Variants in CD109 observed in about 807,000 individuals in gnomAD.
CD109 encodes the protein CD109 molecule.
CD109 carries 149 observed loss-of-function variants against 165.8 expected under a neutral mutation model. The observed-to-expected ratio is 0.90, with a 90% CI of 0.79 to 1.03. CD109 has a LOEUF of 1.03. CD109 is among the 50% of genes least tolerant of loss of function. The probability of loss-of-function intolerance (pLI) is 0.00; values close to 1 mark genes in which losing one functional copy is unlikely to be tolerated. For synonymous variants in CD109, 585 were observed against 592.1 expected (o/e 0.99, Z 0.18); for missense variants, 1,712 against 1,677.8 (o/e 1.02, Z -0.36).
chr6:73,747,934 A>G (rs12523741), intron 5 of CD109, among the ~76,000 whole-genome samples: 256 of 151,050 alleles, frequency 1.7e-3, no homozygotes, highest in Middle Eastern at 0.01. Context: ...CACCCAGGCA[A>G]TCTCAGCTCA....
At chr6:73,691,175 A>T (rs573437324), upstream of CD109, among the ~76,000 whole-genome samples, 1 of 152,254 alleles carries the variant, frequency 6.6e-6, no homozygotes, top group African/African-American at 2.4e-5. Context: ...CATTTTTCTA[A>T]AGGCAAAAGT....
chr6:73,697,534 C>CTTTGCAGAG lies in CD109; in HGVS notation c.210_211insTTGCAGAGT (p.Thr70_Val71insLeuGlnSer). On this transcript the variant is annotated inframe_insertion, in exon 2 of 33. Coordinates refer to ENST00000287097, the MANE Select transcript of CD109 (RefSeq NM_133493.5). ...CTGCTCAAGACAGCATCAAACCTCA[C>CTTTGCAGAG]TGTCTCTGTCCTGGAAGCAGAAGGA... 1 of 1,614,158 alleles carries CTTTGCAGAG rather than the reference C, an allele frequency of 6.2e-7. No individual in the cohort carries two copies. The highest frequency in any genetic ancestry group is 8.5e-7 in the Non-Finnish European group (1 of 1,180,028).
chr6:73,688,161 GA>G, the CD109 span, among the ~76,000 whole-genome samples: 1 of 148,546 alleles, frequency 6.7e-6, no homozygotes, highest in East Asian at 2.0e-4. Context: ...TTGTCTGGTA[GA>G]TTTTTTTTGG....
In CD109 at chr6:73,791,162, T is replaced by TATATACACACATACAC. The variant is rs1562070937; in HGVS notation, c.2702-1459_2702-1458insCACACATACACATATA. 1.3e-3 allele frequency among the ~76,000 whole-genome samples: 48 copies of TATATACACACATACAC among 36,308 alleles called. 2 individuals carry two copies. The highest frequency in any genetic ancestry group is 4.2e-3 in the African/African-American group (42 of 9,926). 23.8% of individuals were successfully genotyped at this position (36,308 alleles called of 152,430 possible). On this transcript the variant is annotated intron_variant, in intron 22 of 32. Transcript: ENST00000287097. ...ATATATATATATATATATATATATA[T>TATATACACACATACAC]ATATATATATATATACACACACACA...
At chr6:73,785,105 C>T (rs1774638060) in intron 19 of CD109, among the ~76,000 whole-genome samples, 1 of 152,104 alleles carries the variant, frequency 6.6e-6, no homozygotes, top group East Asian at 1.9e-4. Context: ...AATAACCAAA[C>T]AAAATAATTT....
chr6:73,745,615 A>G (rs1477771166), intron 5 of CD109, among the ~76,000 whole-genome samples: 1 of 152,226 alleles, frequency 6.6e-6, no homozygotes, highest in Non-Finnish European at 1.5e-5. Context: ...TGAGTCCAGC[A>G]TGTAGGTTAC....
chr6:73,767,679 T>G (rs1773900771), intron 13 of CD109, among the ~76,000 whole-genome samples: 1 of 152,124 alleles, frequency 6.6e-6, no homozygotes, highest in Non-Finnish European at 1.5e-5. Context: ...TTCTATTTGA[T>G]AAGCAATATA....
At chr6:73,786,050 G>T (rs747207032) in intron 20 of CD109, among the ~76,000 whole-genome samples, 24 of 132,470 alleles carry the variant, frequency 1.8e-4, no homozygotes, top group Admixed American at 1.3e-3. Context: ...TGCCATGTTG[G>T]CCAGGCGGGT....
chr6:73,784,432 A>G (rs1308868596), intron 19 of CD109, among the ~76,000 whole-genome samples: 1 of 152,256 alleles, frequency 6.6e-6, no homozygotes, highest in Non-Finnish European at 1.5e-5. Context: ...CACTATAAAC[A>G]GACAATTCAG....
chr6:73,691,731 C>A (rs1435826956), upstream of CD109, among the ~76,000 whole-genome samples: 2 of 152,212 alleles, frequency 1.3e-5, no homozygotes, highest in Non-Finnish European at 2.9e-5. Context: ...ATGGTTTGCA[C>A]AAACTGCCCT....
At chr6:73,768,001 A>T in intron 13 of CD109, 54 bp from the exon 14 acceptor site, 2 of 1,397,486 alleles carry the variant, frequency 1.4e-6, no homozygotes, top group Non-Finnish European at 2.0e-6. Flanking sequence ...GTAGCTTCAG[A>T]TGAGATCCTA....
At chr6:73,734,361 C>A (rs1206776495) in intron 4 of CD109, among the ~76,000 whole-genome samples, 1 of 152,238 alleles carries the variant, frequency 6.6e-6, no homozygotes, top group Non-Finnish European at 1.5e-5. Context: ...CATTTTCCTA[C>A]ACTTCAGGTA....
chr6:73,692,911 C>G (rs1770714518), upstream of CD109, among the ~76,000 whole-genome samples: 1 of 152,216 alleles, frequency 6.6e-6, no homozygotes, highest in Admixed American at 6.5e-5. Context: ...TCAATTAAAT[C>G]TCTTTCCTTT....
chr6:73,756,921 CACA>C (rs1217764047), intron 6 of CD109, among the ~76,000 whole-genome samples: 7 of 151,910 alleles, frequency 4.6e-5, no homozygotes, highest in Non-Finnish European at 7.4e-5. Context: ...TTTTCTTATC[CACA>C]ACATGATTTT....
Position 73,782,285 on chromosome 6 carries a change from A to G in CD109, c.1964-329A>G, listed in dbSNP as rs534850890. 3.3e-5 allele frequency among the ~76,000 whole-genome samples: 5 copies of G among 152,286 alleles called. No individual in the cohort carries two copies. The East Asian group carries it at 7.7e-4, about 23-fold the overall frequency. On this transcript the variant is annotated intron_variant, in intron 17 of 32. Transcript: ENST00000287097. Reference sequence around the variant, plus strand: ...ACATGTGGTACATTTAGCTTTCCTCATATAACCCTCTATCCTAGACAATCT... The same window carrying G: ...ACATGTGGTACATTTAGCTTTCCTCGTATAACCCTCTATCCTAGACAATCT...
chr6:73,808,989 G>C (rs1484948897), intron 26 of CD109, among the ~76,000 whole-genome samples: 1 of 152,140 alleles, frequency 6.6e-6, no homozygotes, highest in South Asian at 2.1e-4. Context: ...CAGTAACTTA[G>C]ATTGAATCCT....
chr6:73,751,425 G>T (rs569775895), intron 5 of CD109, among the ~76,000 whole-genome samples: 12 of 151,880 alleles, frequency 7.9e-5, no homozygotes, highest in Non-Finnish European at 1.8e-4. Context: ...ACACACCTCA[G>T]CTTCCCTCTT....
rs537151746 is a variant in CD109, at chr6:73,820,970, A to G, written c.4162+407A>G. 4.6e-5 allele frequency among the ~76,000 whole-genome samples: 7 copies of G among 152,270 alleles called. No individual in the cohort carries two copies. The East Asian group carries it at 1.4e-3, about 29-fold the overall frequency. Reference sequence around the variant, plus strand: ...ATGTGGCACATATACACCATGGAATACTATGCAGCTATAAAAAAGGATGAG... The same window carrying G: ...ATGTGGCACATATACACCATGGAATGCTATGCAGCTATAAAAAAGGATGAG... On this transcript the variant is annotated intron_variant, in intron 32 of 32. Coordinates refer to ENST00000287097, the MANE Select transcript of CD109 (RefSeq NM_133493.5).
At chr6:73,804,820 CA>C (rs1775507264) in intron 24 of CD109, among the ~76,000 whole-genome samples, 2 of 152,158 alleles carry the variant, frequency 1.3e-5, no homozygotes, top group African/African-American at 4.8e-5. Context: ...TAACCTTGGA[CA>C]ATTTATTTAA....
Sources: allele counts gnomAD v4.1 joint callset (sites outside exome capture counted in the v4.1 genomes callset), GRCh38; gene constraint gnomAD v4.1.1; transcripts MANE v1.5; gene names NCBI Gene and HGNC (gene_info 2026-07-23, HGNC 2026-07-21).